Variants in SHISA9 observed in about 807,000 individuals in gnomAD.
SHISA9 encodes the protein protein shisa-9.
A neutral mutation model predicts 38.0 loss-of-function variants in SHISA9; 13 were observed. That is an observed-to-expected ratio of 0.34 (90% CI 0.22 to 0.54). The LOEUF (loss-of-function observed/expected upper bound fraction) is 0.54, where lower values mean the gene tolerates loss of function less well. Ranked by LOEUF, SHISA9 falls within the 20% of genes least tolerant of loss-of-function variation. SHISA9 has a pLI of 0.91. For synonymous variants in SHISA9, 275 were observed against 242.0 expected (o/e 1.14, Z -1.27); for missense variants, 538 against 575.8 (o/e 0.93, Z 0.67).
chr16:13,123,339 G>A (rs539557515), intron 2 of SHISA9, among the ~76,000 whole-genome samples: 1 of 152,372 alleles, frequency 6.6e-6, no homozygotes, highest in East Asian at 1.9e-4. Context: ...AGCTGGGATT[G>A]GCTTGGGCCA....
intron 2 of SHISA9, among the ~76,000 whole-genome samples, chr16:13,051,828 G>A (rs931038563): frequency 1.3e-5 from 2 of 151,370 alleles, no homozygotes; most frequent in Non-Finnish European, 2.9e-5. Context: ...GCAGAGGCAC[G>A]ATCTCAGCTC....
the SHISA9 span, among the ~76,000 whole-genome samples, chr16:13,469,296 GAA>G: frequency 2.0e-5 from 2 of 101,890 alleles, no homozygotes. Context: ...GAGAGAGAAA[GAA>G]AGACAGAGAG....
At chr16:13,169,625 G>A (rs902820085) in intron 2 of SHISA9, among the ~76,000 whole-genome samples, 1 of 152,172 alleles carries the variant, frequency 6.6e-6, no homozygotes, top group Admixed American at 6.5e-5. Flanking sequence ...TTTTTAAGAG[G>A]AGGAAAACAA....
chr16:13,449,027 C>T, the SHISA9 span, among the ~76,000 whole-genome samples: 1 of 152,130 alleles, frequency 6.6e-6, no homozygotes, highest in African/African-American at 2.4e-5. Context: ...ACTGTGAAAC[C>T]TTGGAAACAA....
chr16:13,267,854 G>A, the SHISA9 span, among the ~76,000 whole-genome samples: 57 of 150,450 alleles, frequency 3.8e-4, no homozygotes, highest in African/African-American at 1.3e-3. Flanking sequence ...CCTGAGAGGG[G>A]GTTCTTTTCT....
At chr16:13,451,026 C>G in the SHISA9 span, among the ~76,000 whole-genome samples, 1 of 152,166 alleles carries the variant, frequency 6.6e-6, no homozygotes, top group African/African-American at 2.4e-5. Context: ...AAGACTTTCT[C>G]CGGCCACCAG....
the SHISA9 span, among the ~76,000 whole-genome samples, chr16:13,382,790 A>G: frequency 3.1e-4 from 47 of 151,262 alleles, no homozygotes; most frequent in African/African-American, 1.1e-3. Flanking sequence ...CCCAGGAGGC[A>G]GAAGCTGCAG....
the SHISA9 span, among the ~76,000 whole-genome samples, chr16:13,488,480 A>G: frequency 5.9e-5 from 9 of 152,188 alleles, no homozygotes; most frequent in African/African-American, 1.9e-4. Flanking sequence ...ACTGTTGCAT[A>G]TACAATATTC....
chr16:13,137,930 A>G (rs571989965), intron 2 of SHISA9, among the ~76,000 whole-genome samples: 2 of 152,234 alleles, frequency 1.3e-5, no homozygotes, highest in South Asian at 4.1e-4. Context: ...TTTCTTCAGG[A>G]CTAAGCGCAA....
At chr16:13,013,877 G>A (rs1375129274) in intron 2 of SHISA9, among the ~76,000 whole-genome samples, 4 of 152,070 alleles carry the variant, frequency 2.6e-5, no homozygotes, top group African/African-American at 4.8e-5. Flanking sequence ...ACAGGTGCCC[G>A]CCACCAGGCC....
At chr16:13,520,931 C>G in the SHISA9 span, among the ~76,000 whole-genome samples, 1 of 152,136 alleles carries the variant, frequency 6.6e-6, no homozygotes, top group Non-Finnish European at 1.5e-5. Flanking sequence ...GTGCAATGAT[C>G]AAATCATTGT....
chr16:13,479,725 A>G, the SHISA9 span, among the ~76,000 whole-genome samples: 2 of 152,222 alleles, frequency 1.3e-5, no homozygotes, highest in African/African-American at 2.4e-5. Flanking sequence ...GACCAGAGAC[A>G]TGACCAGAAA....
chr16:13,070,826 G>A (rs540344228), intron 2 of SHISA9, among the ~76,000 whole-genome samples: 4 of 152,246 alleles, frequency 2.6e-5, no homozygotes, highest in Non-Finnish European at 5.9e-5. Context: ...GTGCAGAGCC[G>A]GGATTCGAAC....
intron 2 of SHISA9, among the ~76,000 whole-genome samples, chr16:13,077,889 T>C: frequency 6.6e-6 from 1 of 152,182 alleles, no homozygotes; most frequent in East Asian, 1.9e-4. Context: ...ACACATTTCT[T>C]TGTTTTGATT....
chr16:13,305,792 G>T, the SHISA9 span, among the ~76,000 whole-genome samples: 1 of 152,216 alleles, frequency 6.6e-6, no homozygotes, highest in African/African-American at 2.4e-5. Context: ...GGACTTTAGA[G>T]CAAGTCCCTA....
the SHISA9 span, among the ~76,000 whole-genome samples, chr16:13,319,536 G>A: frequency 6.6e-6 from 1 of 152,072 alleles, no homozygotes; most frequent in African/African-American, 2.4e-5. Context: ...ATTTGAAATG[G>A]TACCTCCAAG....
intron 2 of SHISA9, among the ~76,000 whole-genome samples, chr16:12,941,079 C>T (rs1039392398): frequency 6.6e-6 from 1 of 152,186 alleles, no homozygotes; most frequent in African/African-American, 2.4e-5. Context: ...TGGCCAGGTG[C>T]AATGGCTTAT....
chr16:13,420,245 C>CAGAAAAAA, the SHISA9 span, among the ~76,000 whole-genome samples: 68 of 50,392 alleles, frequency 1.3e-3, no homozygotes, highest in Non-Finnish European at 9.5e-4. Flanking sequence ...GAATCTGTTT[C>CAGAAAAAA]AAAAAAAAAA....
chr16:13,175,223 A>G (rs911169042), intron 2 of SHISA9, among the ~76,000 whole-genome samples: 1 of 151,962 alleles, frequency 6.6e-6, no homozygotes, highest in African/African-American at 2.4e-5. Flanking sequence ...AGAAAGAAAA[A>G]AAAAGAAAAG....
Sources: allele counts gnomAD v4.1 joint callset (sites outside exome capture counted in the v4.1 genomes callset), GRCh38; gene constraint gnomAD v4.1.1; transcripts MANE v1.5; gene names NCBI Gene and HGNC (gene_info 2026-07-23, HGNC 2026-07-21).